Variants in MAN1A1 observed in about 807,000 individuals in gnomAD.
MAN1A1 encodes mannosyl-oligosaccharide 1,2-alpha-mannosidase IA.
In MAN1A1, 29 loss-of-function variants were observed where a neutral mutation model predicts 70.8. The ratio of observed to expected loss-of-function variants is 0.41; its 90% CI spans 0.31 to 0.56. The LOEUF (loss-of-function observed/expected upper bound fraction) is 0.56. MAN1A1 is among the 20% of genes least tolerant of loss of function. MAN1A1 has a pLI of 0.29. For missense variants in MAN1A1, 747 were observed against 841.3 expected, an observed-to-expected ratio of 0.89 and a Z score of 1.39; for synonymous variants, 349 against 330.1, an observed-to-expected ratio of 1.06 and a Z score of -0.62.
At chr6:119,343,654 G>A (rs773856580) in intron 2 of MAN1A1, among the ~76,000 whole-genome samples, 5 of 151,998 alleles carry the variant, frequency 3.3e-5, no homozygotes, top group Non-Finnish European at 7.4e-5. Context: ...CCTCAAAGAG[G>A]GAATCTCTTC....
intron 5 of MAN1A1, among the ~76,000 whole-genome samples, chr6:119,274,571 T>C (rs1776004357): frequency 6.6e-6 from 1 of 152,214 alleles, no homozygotes; most frequent in African/African-American, 2.4e-5. Context: ...ATAATATTTT[T>C]TTCTAAATCG....
intron 6 of MAN1A1, among the ~76,000 whole-genome samples, chr6:119,237,858 A>T (rs1471247662): frequency 6.6e-6 from 1 of 152,202 alleles, no homozygotes. Flanking sequence ...TTTTTTTTAA[A>T]TAAAAAAAGA....
In MAN1A1 at chr6:119,178,164, C is replaced by G. The variant is rs530644902; in HGVS notation, c.*1655G>C. The G allele has an allele frequency of 6.6e-6, 1 of 152,178 alleles. No individual in the cohort carries two copies. Among genetic ancestry groups the G allele is most frequent in the South Asian group, 2.1e-4 (1 of 4,820 alleles). The allele number at this position is 152,178 out of a possible 1,614,324, so 9.4% of individuals were successfully genotyped here. ...ATGTATGATATTGAAAAACAGAAAGCAGGTCATAAAGATGGTCCTGTCCGA... is the reference window on the plus strand; with the variant it reads ...ATGTATGATATTGAAAAACAGAAAGGAGGTCATAAAGATGGTCCTGTCCGA... On this transcript the variant is annotated 3_prime_UTR_variant, in exon 13 of 13. Coordinates refer to ENST00000368468, the MANE Select transcript of MAN1A1 (RefSeq NM_005907.4).
chr6:119,270,365 A>G (rs563483233), intron 5 of MAN1A1, among the ~76,000 whole-genome samples: 2 of 152,344 alleles, frequency 1.3e-5, no homozygotes, highest in South Asian at 2.1e-4. Context: ...ACTCAGAACT[A>G]TAGTGTTTTT....
At chr6:119,305,199 C>T (rs1772495220) in intron 3 of MAN1A1, among the ~76,000 whole-genome samples, 1 of 152,024 alleles carries the variant, frequency 6.6e-6, no homozygotes, top group Non-Finnish European at 1.5e-5. Context: ...AAACGTCAGG[C>T]CTAAGAGACC....
chr6:119,227,648 T>C (rs967743609), intron 6 of MAN1A1, among the ~76,000 whole-genome samples: 14 of 152,110 alleles, frequency 9.2e-5, no homozygotes, highest in Non-Finnish European at 1.5e-5. Context: ...TTTAAATGTT[T>C]TATAGAGATG....
intron 5 of MAN1A1, among the ~76,000 whole-genome samples, chr6:119,257,435 C>T (rs1456563978): frequency 6.6e-6 from 1 of 152,058 alleles, no homozygotes; most frequent in African/African-American, 2.4e-5. Flanking sequence ...AGAAATAGGG[C>T]AGGAAGAAAG....
At chr6:119,195,248 G>A (rs190934596) in intron 8 of MAN1A1, among the ~76,000 whole-genome samples, 160 of 152,222 alleles carry the variant, frequency 1.1e-3, no homozygotes, top group African/African-American at 3.7e-3. Flanking sequence ...TGTGTGTTTG[G>A]TGCCATGCAA....
intron 2 of MAN1A1, among the ~76,000 whole-genome samples, chr6:119,343,593 C>T (rs184050963): frequency 6.6e-6 from 1 of 152,168 alleles, no homozygotes; most frequent in East Asian, 1.9e-4. Context: ...TCACTGAACA[C>T]CAAGCAAGGA....
chr6:119,241,898 ATGTGTGTGTGTG>A (rs59230995), intron 6 of MAN1A1, among the ~76,000 whole-genome samples: 1 of 149,474 alleles, frequency 6.7e-6, no homozygotes, highest in Non-Finnish European at 1.5e-5. Flanking sequence ...CAGCAATTAT[ATGTGTGTGTGTG>A]TGTGTGTGTG....
Position 119,243,334 on chromosome 6 carries a change from ACTT to A in MAN1A1, c.992+4923_992+4925del, listed in dbSNP as rs1441577400. On this transcript the variant is annotated intron_variant, in intron 6 of 12. Coordinates refer to ENST00000368468, the MANE Select transcript of MAN1A1 (RefSeq NM_005907.4). The stretch of plus-strand genomic sequence containing the variant: ...TCTGCTTCATTTGAAAATATAATAT[ACTT>A]CTTTCAAATCTGAAACCAGGAACTT... Among the ~76,000 whole-genome samples the A allele has an allele frequency of 2.0e-5, 3 of 152,148 alleles. No individual in the cohort carries two copies. The East Asian group carries it at 5.8e-4, about 29-fold the overall frequency.
intron 5 of MAN1A1, among the ~76,000 whole-genome samples, chr6:119,278,352 GACTT>G (rs1776135064): frequency 1.3e-5 from 2 of 152,182 alleles, no homozygotes; most frequent in South Asian, 4.1e-4. Flanking sequence ...CTAATTATCT[GACTT>G]ACTTCTTAAG....
chr6:119,246,292 C>T (rs1775164882), intron 6 of MAN1A1, among the ~76,000 whole-genome samples: 1 of 152,092 alleles, frequency 6.6e-6, no homozygotes, highest in Non-Finnish European at 1.5e-5. Flanking sequence ...TAAGAGAAGG[C>T]TGGAGTGATC....
chr6:119,256,616 C>T lies in MAN1A1; in HGVS notation c.898-8262G>A, dbSNP rs1775466904. Among the ~76,000 whole-genome samples the T allele has an allele frequency of 2.0e-5, 3 of 152,070 alleles. No homozygotes were observed. In the East Asian group the frequency reaches 5.8e-4, roughly 29 times the overall value. On this transcript the variant is annotated intron_variant, in intron 5 of 12. Transcript: ENST00000368468. ...CTCGTGGCAGTGTTTCCCTGAGCAT[C>T]AGCGTGGTCAAGGCTGCCTGGGAAC...
At chr6:119,350,042 GGC>G (rs1773865774), upstream of MAN1A1, among the ~76,000 whole-genome samples, 2 of 152,206 alleles carry the variant, frequency 1.3e-5, no homozygotes, top group African/African-American at 4.8e-5. Context: ...AGAAGCGGCA[GGC>G]AGAGTTCGGG....
rs1773046208 is a variant in MAN1A1, at chr6:119,177,858, T to C, written c.*1961A>G. 1 of 152,110 alleles carries C rather than the reference T, an allele frequency of 6.6e-6. No homozygotes were observed. The highest frequency in any genetic ancestry group is 2.4e-5 in the African/African-American group (1 of 41,464). 9.4% of individuals were successfully genotyped at this position (152,110 alleles called of 1,614,324 possible). On this transcript the variant is annotated 3_prime_UTR_variant, in exon 13 of 13. Coordinates refer to ENST00000368468, the MANE Select transcript of MAN1A1 (RefSeq NM_005907.4). The stretch of plus-strand genomic sequence containing the variant: ...TCTGCTGCAGAAATACTTATCAGCT[T>C]TCAAATCAAAGTGAAAAGAAAATGA...
At chr6:119,250,072 T>C (rs946715391) in intron 5 of MAN1A1, among the ~76,000 whole-genome samples, 1 of 152,136 alleles carries the variant, frequency 6.6e-6, no homozygotes, top group Non-Finnish European at 1.5e-5. Flanking sequence ...TTGTAGTGTA[T>C]GGAGAGGAGA....
Position 119,348,669 on chromosome 6 carries a change from T to C in MAN1A1, c.397A>G (p.Arg133Gly), listed in dbSNP as rs1191267776. 1 of 1,612,506 alleles carries C rather than the reference T, an allele frequency of 6.2e-7. No individual in the cohort carries two copies. Among genetic ancestry groups the C allele is most frequent in the South Asian group, 1.1e-5 (1 of 90,820 alleles). ...RIRENHERAL[R>G]EAKETLQKLP... ...TTCTGCAGGGTCTCCTTGGCTTCCC[T>C]GAGAGCCCGCTCGTGGTTTTCGCGG... Residue 133 changes from arginine (R) to glycine (G), a missense_variant, in exon 2 of 13, where the codon AGG becomes GGG. By Grantham distance (125) the Arg-to-Gly change is moderately radical. Around this residue, in one of 2 missense-constraint regions of MAN1A1, gnomAD observed 328 missense variants for 293.1 expected, o/e 1.12. Transcript: ENST00000368468.
intron 2 of MAN1A1, among the ~76,000 whole-genome samples, chr6:119,334,094 T>C (rs773889489): frequency 2.0e-5 from 3 of 152,248 alleles, no homozygotes; most frequent in Non-Finnish European, 4.4e-5. Context: ...CTTTTTTCAA[T>C]TTATAAAATT....
Sources: allele counts gnomAD v4.1 joint callset (sites outside exome capture counted in the v4.1 genomes callset), GRCh38; gene constraint gnomAD v4.1.1; regional missense constraint gnomAD v4.1.1; transcripts MANE v1.5; gene names NCBI Gene and HGNC (gene_info 2026-07-23, HGNC 2026-07-21).